Variants in VPS13B observed in about 807,000 individuals in gnomAD.
The protein encoded by VPS13B is intermembrane lipid transfer protein VPS13B.
In VPS13B, 285 loss-of-function variants were observed where a neutral mutation model predicts 426.4. The ratio of observed to expected loss-of-function variants is 0.67; its 90% CI spans 0.61 to 0.74. The LOEUF (loss-of-function observed/expected upper bound fraction) is 0.74. VPS13B is among the 30% of genes least tolerant of loss of function. The pLI is 0.00. For missense variants in VPS13B, 4,537 were observed against 4,782.6 expected (o/e 0.95, Z 1.51); for synonymous variants, 1,676 against 1,676.4 (o/e 1.00, Z 0.01).
At chr8:99,320,045 T>A (rs955274795) in intron 19 of VPS13B, among the ~76,000 whole-genome samples, 6 of 152,184 alleles carry the variant, frequency 3.9e-5, no homozygotes, top group African/African-American at 1.4e-4. Context: ...AGGGAGTGAT[T>A]GTTTATAATA....
intron 19 of VPS13B, among the ~76,000 whole-genome samples, chr8:99,288,963 G>A (rs1819581830): frequency 1.3e-5 from 2 of 151,996 alleles, no homozygotes; most frequent in Non-Finnish European, 2.9e-5. Flanking sequence ...TTGGGAGGCT[G>A]AGGTGGAAGG....
At chr8:99,144,095 A>C (rs1198828569) in intron 13 of VPS13B, among the ~76,000 whole-genome samples, 1 of 152,104 alleles carries the variant, frequency 6.6e-6, no homozygotes, top group African/African-American at 2.4e-5. Flanking sequence ...TTAAAGCTGC[A>C]TGCTGAGGAT....
chr8:99,255,091 T>C (rs1254147450), intron 17 of VPS13B, among the ~76,000 whole-genome samples: 1 of 152,088 alleles, frequency 6.6e-6, no homozygotes, highest in East Asian at 1.9e-4. Context: ...GTAATTTCTG[T>C]TGTTCCCTCT....
chr8:99,103,659 C>T (rs1489151508), intron 5 of VPS13B, among the ~76,000 whole-genome samples: 1 of 151,970 alleles, frequency 6.6e-6, no homozygotes, highest in Admixed American at 6.6e-5. Context: ...GCCACCATGC[C>T]CGGCTAATTT....
chr8:99,109,086 T>C (rs897828288), intron 5 of VPS13B, among the ~76,000 whole-genome samples: 8 of 152,108 alleles, frequency 5.3e-5, no homozygotes, highest in Non-Finnish European at 7.4e-5. Context: ...TTATATGTTG[T>C]ATTTTGGGTT....
chr8:99,231,723 G>A (rs1441548300), intron 17 of VPS13B, among the ~76,000 whole-genome samples: 1 of 151,996 alleles, frequency 6.6e-6, no homozygotes, highest in East Asian at 1.9e-4. Context: ...GCAAGGTGCT[G>A]AGGCAAAAAA....
In VPS13B at chr8:99,861,747, AGGCTAACCC is replaced by A. The variant is rs1374425490; in HGVS notation, c.11045-28_11045-20del. The A allele has an allele frequency of 6.3e-7, 1 of 1,578,116 alleles. No individual in the cohort carries two copies. The highest frequency in any genetic ancestry group is 1.8e-5 in the Admixed American group (1 of 54,370). ...GGGGTCCATCATGTATGCGACAAGG[AGGCTAACCC>A]CATGCTCTTGTTCCCTCAGGTACCC... On this transcript the variant is annotated intron_variant, in intron 57 of 61. Transcript: ENST00000357162.
intron 33 of VPS13B, among the ~76,000 whole-genome samples, chr8:99,601,302 G>A (rs1308994758): frequency 5.9e-5 from 9 of 151,920 alleles, no homozygotes; most frequent in South Asian, 2.1e-4. Context: ...TTCCACCTTC[G>A]TTCATGTCCC....
chr8:99,090,698 C>G (rs1267729562), intron 3 of VPS13B, among the ~76,000 whole-genome samples: 1 of 151,962 alleles, frequency 6.6e-6, no homozygotes, highest in Admixed American at 6.6e-5. Context: ...GTGCCTAACA[C>G]ATACTTTTCT....
intron 6 of VPS13B, 91 bp downstream of exon 6, chr8:99,111,370 A>G: frequency 9.2e-7 from 1 of 1,082,560 alleles, no homozygotes; most frequent in Non-Finnish European, 1.3e-6. Context: ...CAAATGAAGA[A>G]ATTAACCTTG....
intron 31 of VPS13B, among the ~76,000 whole-genome samples, chr8:99,565,314 G>T (rs1223965856): frequency 6.7e-6 from 1 of 149,132 alleles, no homozygotes; most frequent in South Asian, 2.1e-4. Flanking sequence ...ATATTTGTTT[G>T]TTAAAATATT....
intron 3 of VPS13B, among the ~76,000 whole-genome samples, chr8:99,084,109 CT>C (rs1845635816): frequency 6.6e-6 from 1 of 152,052 alleles, no homozygotes; most frequent in South Asian, 2.1e-4. Context: ...GGTTGGTAAG[CT>C]ATTAATTATT....
rs753694921 is a variant in VPS13B, at chr8:99,717,247, C to T, written c.6531C>T (p.Arg2177=). ...LLKTSLKERS[R]ILIGPCCATA... Reference sequence around the variant, plus strand: ...AAACAAGTCTCAAAGAAAGAAGCCGCATTCTGATAGGACCATGTTGTGCTA... The same window carrying T: ...AAACAAGTCTCAAAGAAAGAAGCCGTATTCTGATAGGACCATGTTGTGCTA... The change falls in exon 37 of 62, where the codon CGC becomes CGT. Residue 2177 remains arginine, a synonymous_variant. Transcript: ENST00000357162. 1.2e-6 allele frequency: 2 copies of T among 1,613,918 alleles called. No individual in the cohort carries two copies. Among genetic ancestry groups the T allele is most frequent in the Non-Finnish European group, 1.7e-6 (2 of 1,179,948 alleles).
At chr8:99,320,421 T>G (rs1224762495) in intron 19 of VPS13B, among the ~76,000 whole-genome samples, 1 of 152,200 alleles carries the variant, frequency 6.6e-6, no homozygotes, top group Non-Finnish European at 1.5e-5. Context: ...AATTTTCTTT[T>G]TACTCTTCCT....
chr8:99,416,154 C>T (rs1159816140), intron 21 of VPS13B, among the ~76,000 whole-genome samples: 1 of 152,164 alleles, frequency 6.6e-6, no homozygotes, highest in Non-Finnish European at 1.5e-5. Context: ...GCCACAGTGG[C>T]TTTGTGGTGC....
intron 43 of VPS13B, among the ~76,000 whole-genome samples, chr8:99,790,273 A>G (rs1022720280): frequency 6.6e-6 from 1 of 152,172 alleles, no homozygotes; most frequent in African/African-American, 2.4e-5. Flanking sequence ...ATGCTACACC[A>G]TGATTTATTA....
chr8:99,807,092 G>A lies in VPS13B; in HGVS notation c.7942-2283G>A, dbSNP rs867302851. ...GTTCCATTGATTATGCATATGGGAA[G>A]AAGTGTTACAAATGCTTTTCTCCCA... On this transcript the variant is annotated intron_variant, in intron 43 of 61. Coordinates refer to ENST00000357162, the MANE Select transcript of VPS13B (RefSeq NM_152564.5). Among the ~76,000 whole-genome samples, 3 of 152,228 alleles carry A rather than the reference G, an allele frequency of 2.0e-5. No individual in the cohort carries two copies. The South Asian group carries it at 6.2e-4, about 32-fold the overall frequency.
intron 17 of VPS13B, among the ~76,000 whole-genome samples, chr8:99,211,030 G>A (rs1223602213): frequency 1.3e-5 from 2 of 152,156 alleles, no homozygotes; most frequent in African/African-American, 2.4e-5. Context: ...GCTTAGTTCT[G>A]GGAGCCTGCC....
chr8:99,715,607 T>C (rs1013496104), intron 36 of VPS13B, among the ~76,000 whole-genome samples: 1 of 152,176 alleles, frequency 6.6e-6, no homozygotes, highest in Non-Finnish European at 1.5e-5. Context: ...CATTAAACAC[T>C]GTGTACAAGG....
Sources: allele counts gnomAD v4.1 joint callset (sites outside exome capture counted in the v4.1 genomes callset), GRCh38; gene constraint gnomAD v4.1.1; transcripts MANE v1.5; gene names NCBI Gene and HGNC (gene_info 2026-07-23, HGNC 2026-07-21).